Variants in TMTC2 observed in about 807,000 individuals in gnomAD.
TMTC2 encodes protein O-mannosyl-transferase TMTC2.
TMTC2 carries 43 observed loss-of-function variants against 82.4 expected under a neutral mutation model. The ratio of observed to expected loss-of-function variants is 0.52; its 90% confidence interval spans 0.41 to 0.67. The LOEUF is 0.67. Among genes scored for constraint, TMTC2 ranks in the 30% least tolerant of loss-of-function variants. TMTC2 has a pLI of 0.00. For synonymous variants in TMTC2, 408 were observed against 381.9 expected, an observed-to-expected ratio of 1.07 and a Z score of -0.80; for missense variants, 919 against 1,012.4, an observed-to-expected ratio of 0.91 and a Z score of 1.25.
chr12:83,073,961 C>T (rs1565878544), intron 11 of TMTC2, among the ~76,000 whole-genome samples: 1 of 152,098 alleles, frequency 6.6e-6, no homozygotes, highest in Non-Finnish European at 1.5e-5. Context: ...AACTAACCTC[C>T]TGGATTCTTT....
intron 11 of TMTC2, among the ~76,000 whole-genome samples, chr12:83,085,109 C>A (rs1025780685): frequency 6.6e-6 from 1 of 152,100 alleles, no homozygotes; most frequent in African/African-American, 2.4e-5. Flanking sequence ...CCATCATGGG[C>A]GAAGAGCTCT....
At chr12:82,871,681 C>CTGTGTGTGTGTGTGTGTG (rs10662218) in intron 2 of TMTC2, among the ~76,000 whole-genome samples, 10 of 142,202 alleles carry the variant, frequency 7.0e-5, no homozygotes, top group South Asian at 4.7e-4. Flanking sequence ...CTCTGCTCAT[C>CTGTGTGTGTGTGTGTGTG]TGTGTGTGTG....
chr12:82,953,124 TCTGCCTTA>T (rs1157403834), intron 4 of TMTC2, among the ~76,000 whole-genome samples: 1 of 152,186 alleles, frequency 6.6e-6, no homozygotes, highest in Non-Finnish European at 1.5e-5. Flanking sequence ...ACACAGGACT[TCTGCCTTA>T]CAGCTAGCAG....
intron 1 of TMTC2, among the ~76,000 whole-genome samples, chr12:82,788,469 A>G (rs1878294038): frequency 6.6e-6 from 1 of 152,106 alleles, no homozygotes; most frequent in Non-Finnish European, 1.5e-5. Flanking sequence ...TAGGAACAGC[A>G]ATAAGAGCAC....
chr12:82,849,087 T>C (rs984519568), intron 1 of TMTC2, among the ~76,000 whole-genome samples: 1 of 152,142 alleles, frequency 6.6e-6, no homozygotes, highest in African/African-American at 2.4e-5. Context: ...TTGTTTATTA[T>C]GGTAAGAAAT....
rs148770854 is a variant in TMTC2, at chr12:82,994,963, G to A, written c.2070+8917G>A. On this transcript the variant is annotated intron_variant, in intron 8 of 11. Coordinates refer to ENST00000321196, the MANE Select transcript of TMTC2 (RefSeq NM_152588.3). ...GCCCCCCATTTTATAGCTTTCATTT[G>A]TTAAATAAGCCCCATTGATACTCTA... Among the ~76,000 whole-genome samples the A allele has an allele frequency of 3.6e-3, 528 of 146,634 alleles. 3 individuals carry two copies. Among genetic ancestry groups the A allele is most frequent in the African/African-American group, 0.013 (510 of 39,494 alleles).
At chr12:82,687,731 G>A in intron 1 of TMTC2, 62 bp downstream of exon 1, 1 of 1,510,908 alleles carries the variant, frequency 6.6e-7, no homozygotes, top group Non-Finnish European at 9.1e-7. Context: ...TGGCTCTGAA[G>A]CTTCCCTCTT....
intron 1 of TMTC2, among the ~76,000 whole-genome samples, chr12:82,853,398 C>T (rs1871089907): frequency 6.6e-6 from 1 of 152,090 alleles, no homozygotes; most frequent in Non-Finnish European, 1.5e-5. Flanking sequence ...CCACCATGCC[C>T]GGCCTCAAAG....
intron 1 of TMTC2, among the ~76,000 whole-genome samples, chr12:82,813,294 A>C (rs1377104598): frequency 6.6e-6 from 1 of 152,108 alleles, no homozygotes; most frequent in Non-Finnish European, 1.5e-5. Context: ...TGTCATACTC[A>C]GTCAAAATGT....
chr12:82,942,881 T>G (rs1170190321), intron 4 of TMTC2, among the ~76,000 whole-genome samples: 1 of 152,248 alleles, frequency 6.6e-6, no homozygotes. Flanking sequence ...TTCTTTCTAT[T>G]GCAGGTTTTA....
intron 1 of TMTC2, among the ~76,000 whole-genome samples, chr12:82,832,786 C>T (rs1332891745): frequency 6.6e-6 from 1 of 152,136 alleles, no homozygotes; most frequent in South Asian, 2.1e-4. Flanking sequence ...AATTTGTCAT[C>T]CCAAGAAATA....
At chr12:82,812,466 C>T (rs1353049665) in intron 1 of TMTC2, among the ~76,000 whole-genome samples, 2 of 152,004 alleles carry the variant, frequency 1.3e-5, no homozygotes, top group African/African-American at 4.8e-5. Context: ...CTGACTTAGC[C>T]AAGTTTTTTG....
intron 8 of TMTC2, among the ~76,000 whole-genome samples, chr12:83,012,355 G>GA (rs1405897321): frequency 6.6e-6 from 1 of 152,024 alleles, no homozygotes; most frequent in Non-Finnish European, 1.5e-5. Flanking sequence ...GACAAAAAAA[G>GA]AAAAAATGAT....
intron 11 of TMTC2, among the ~76,000 whole-genome samples, chr12:83,086,509 G>A (rs564085357): frequency 3.3e-5 from 5 of 152,230 alleles, no homozygotes; most frequent in East Asian, 1.9e-4. Flanking sequence ...CTTGGGCATC[G>A]ACTTAGACTC....
intron 1 of TMTC2, among the ~76,000 whole-genome samples, chr12:82,808,774 A>G (rs1402862124): frequency 2.0e-5 from 3 of 151,966 alleles, no homozygotes; most frequent in African/African-American, 7.2e-5. Flanking sequence ...AGAGTTTGGG[A>G]TTAGTTTTTA....
intron 1 of TMTC2, among the ~76,000 whole-genome samples, chr12:82,732,512 T>C (rs1874877429): frequency 6.6e-6 from 1 of 152,084 alleles, no homozygotes; most frequent in Non-Finnish European, 1.5e-5. Context: ...TTGGCTAATT[T>C]TTTTGTATTT....
intron 1 of TMTC2, among the ~76,000 whole-genome samples, chr12:82,711,584 C>G (rs1873621239): frequency 6.6e-6 from 1 of 152,106 alleles, no homozygotes; most frequent in Non-Finnish European, 1.5e-5. Flanking sequence ...AACTCTTAGT[C>G]TTTTACCTAA....
At chr12:82,845,943 GTTT>G (rs199718259) in intron 1 of TMTC2, among the ~76,000 whole-genome samples, 12 of 137,830 alleles carry the variant, frequency 8.7e-5, no homozygotes, top group African/African-American at 2.3e-4. Flanking sequence ...TTTTGTGTTT[GTTT>G]TTTTTTTTTT....
At chr12:83,108,845 A>C (rs950168998) in intron 11 of TMTC2, among the ~76,000 whole-genome samples, 2 of 152,180 alleles carry the variant, frequency 1.3e-5, no homozygotes, top group Non-Finnish European at 1.5e-5. Context: ...TTCAAAGTTA[A>C]CTTTACTAAA....
Sources: allele counts gnomAD v4.1 joint callset (sites outside exome capture counted in the v4.1 genomes callset), GRCh38; gene constraint gnomAD v4.1.1; transcripts MANE v1.5; gene names NCBI Gene and HGNC (gene_info 2026-07-23, HGNC 2026-07-21).